Variants in AP2A2 observed in about 807,000 individuals in gnomAD.
AP2A2 encodes adaptor related protein complex 2 subunit alpha 2, also known as AP-2 complex subunit alpha-2.
Under a neutral mutation model 104.2 loss-of-function variants are expected in AP2A2, and 32 were observed. The ratio of observed to expected loss-of-function variants is 0.31; its 90% CI spans 0.23 to 0.41. AP2A2 has a LOEUF of 0.41. AP2A2 is among the 10% of genes least tolerant of loss of function. AP2A2 has a pLI of 1.00. For synonymous variants in AP2A2, 539 were observed against 533.3 expected (o/e 1.01, Z -0.15); for missense variants, 912 against 1,261.0 (o/e 0.72, Z 4.19).
chr11:994,134 C>G lies in AP2A2; in HGVS notation c.1845C>G (p.Leu615=), dbSNP rs201381505. ...PERESSILAK[L]KKKKGPSTVT... ...GGGAGTCCTCCATCTTGGCAAAGCT[C>G]AAGAAGAAGAAGGGCCCCAGCACGG... is the stretch of plus-strand genomic sequence containing the variant. Residue 615 remains leucine, a synonymous_variant, in exon 14 of 22, where the codon CTC becomes CTG. Transcript: ENST00000448903. The G allele has an allele frequency of 1.1e-4, 174 of 1,613,076 alleles. No individual in the cohort carries two copies. The African/African-American group carries it at 2.0e-3, about 18-fold the overall frequency.
chr11:972,676 C>T (rs1383058501), intron 4 of AP2A2, among the ~76,000 whole-genome samples: 7 of 152,170 alleles, frequency 4.6e-5, no homozygotes, highest in South Asian at 2.1e-4. Flanking sequence ...CCAGCCTGGG[C>T]GACAGAGCGA....
At chr11:1,006,923 G>A (rs1856227911) in intron 17 of AP2A2, 3 of 322,604 alleles carry the variant, frequency 9.3e-6, no homozygotes, top group South Asian at 1.0e-4. Context: ...CTCCTGTGAC[G>A]TGATCTTTAA....
intron 1 of AP2A2, among the ~76,000 whole-genome samples, chr11:939,036 G>A (rs1030704634): frequency 3.3e-5 from 5 of 151,842 alleles, no homozygotes; most frequent in Middle Eastern, 6.8e-3. Context: ...GGTGGATCAC[G>A]AGGTCAGGAG....
intron 16 of AP2A2, among the ~76,000 whole-genome samples, chr11:1,005,233 G>A (rs1430972935): frequency 1.3e-5 from 2 of 152,228 alleles, no homozygotes; most frequent in Non-Finnish European, 2.9e-5. Flanking sequence ...TCAGTGACAC[G>A]GGCCAGACAC....
chr11:983,017 CTTTTTTTT>C (rs56742889), intron 6 of AP2A2, among the ~76,000 whole-genome samples: 2 of 82,374 alleles, frequency 2.4e-5, no homozygotes, highest in African/African-American at 9.4e-5. Context: ...TTTTCTTTTT[CTTTTTTTT>C]TTTTTTTTTT....
intron 16 of AP2A2, among the ~76,000 whole-genome samples, chr11:1,004,238 C>T (rs942339513): frequency 3.9e-5 from 6 of 152,134 alleles, no homozygotes; most frequent in Admixed American, 1.3e-4. Context: ...GTTGGGAGGC[C>T]GAGGCAGGCA....
intron 14 of AP2A2, 75 bp downstream of exon 14, chr11:994,320 G>T: frequency 6.4e-7 from 1 of 1,561,374 alleles, no homozygotes; most frequent in Admixed American, 1.8e-5. Flanking sequence ...CAGAGCATTT[G>T]CCTGTCAGGG....
chr11:954,123 G>A (rs2134539869), intron 1 of AP2A2, among the ~76,000 whole-genome samples: 1 of 152,244 alleles, frequency 6.6e-6, no homozygotes, highest in African/African-American at 2.4e-5. Context: ...ACTGTGCCTG[G>A]CCTCTCTACC....
Position 1,009,161 on chromosome 11 carries a change from C to T in AP2A2, c.2482C>T (p.Gln828Ter). 6.2e-7 allele frequency: 1 copy of T among 1,613,790 alleles called. No homozygotes were observed. The highest frequency in any genetic ancestry group is 8.5e-7 in the Non-Finnish European group (1 of 1,179,894). The change falls in exon 19 of 22, where the codon CAG becomes TAG. Residue 828 changes from glutamine to a stop codon, truncating the protein, a stop_gained. Transcript: ENST00000448903. LOFTEE classifies it high-confidence loss of function. ...QLPITLNKFF[Q>*]PTEMASQDFF... ...GCCCATCACTCTCAACAAATTCTTC[C>T]AGCCGACAGAAATGGCTTCTCAGGA...
intron 1 of AP2A2, among the ~76,000 whole-genome samples, chr11:952,883 T>C (rs1349328830): frequency 4.6e-5 from 7 of 152,306 alleles, no homozygotes; most frequent in Admixed American, 3.9e-4. Flanking sequence ...GAAGTCCTCC[T>C]GTGAGGCCCT....
intron 1 of AP2A2, among the ~76,000 whole-genome samples, chr11:945,905 G>A (rs1853815515): frequency 6.6e-6 from 1 of 152,186 alleles, no homozygotes; most frequent in Non-Finnish European, 1.5e-5. Context: ...TGGTCCAGAG[G>A]AGACGGCGAG....
At chr11:983,011 CT>C (rs1855302725) in intron 6 of AP2A2, among the ~76,000 whole-genome samples, 1 of 111,354 alleles carries the variant, frequency 9.0e-6, no homozygotes, top group Non-Finnish European at 1.8e-5. Flanking sequence ...TGCATATTTT[CT>C]TTTTCTTTTT....
At chr11:935,316 C>T (rs1048332713) in intron 1 of AP2A2, among the ~76,000 whole-genome samples, 4 of 152,152 alleles carry the variant, frequency 2.6e-5, no homozygotes, top group African/African-American at 9.7e-5. Flanking sequence ...CTCGGCCTCC[C>T]AAAATGCTGG....
chr11:932,842 T>C, intron 1 of AP2A2: 1 of 428,680 alleles, frequency 2.3e-6, no homozygotes, highest in South Asian at 1.7e-5. Context: ...TTGTGCCAGA[T>C]ACTTACTATT....
intron 1 of AP2A2, chr11:943,100 A>C (rs368994655): frequency 2.0e-5 from 3 of 152,304 alleles, no homozygotes; most frequent in African/African-American, 7.2e-5. Flanking sequence ...GGTCTGATGT[A>C]ATTATATGAC....
chr11:928,203 C>G (rs1184762253), intron 1 of AP2A2, among the ~76,000 whole-genome samples: 2 of 152,170 alleles, frequency 1.3e-5, no homozygotes, highest in Non-Finnish European at 2.9e-5. Flanking sequence ...TTTCAGTTAC[C>G]TCTGGTGATC....
At chr11:997,934 C>G (rs1855906885) in intron 14 of AP2A2, among the ~76,000 whole-genome samples, 1 of 152,190 alleles carries the variant, frequency 6.6e-6, no homozygotes, top group Admixed American at 6.5e-5. Flanking sequence ...AAATAAAAGC[C>G]ATAGATGTAT....
intron 1 of AP2A2, among the ~76,000 whole-genome samples, chr11:947,648 T>G (rs1410402579): frequency 2.0e-5 from 3 of 151,692 alleles, no homozygotes. Flanking sequence ...ATACAAAAAT[T>G]AGTTGGGCAT....
chr11:979,276 G>A (rs1855159412), intron 5 of AP2A2, among the ~76,000 whole-genome samples: 1 of 150,690 alleles, frequency 6.6e-6, no homozygotes, highest in Non-Finnish European at 1.5e-5. Context: ...ACATTCAGGA[G>A]CCCCGTGGGG....
Sources: allele counts gnomAD v4.1 joint callset (sites outside exome capture counted in the v4.1 genomes callset), GRCh38; gene constraint gnomAD v4.1.1; transcripts MANE v1.5; gene names NCBI Gene and HGNC (gene_info 2026-07-23, HGNC 2026-07-21).